The following TRAF3IP1 variants were observed in gnomAD, a reference collection of about 807,000 sequenced individuals.
The protein encoded by TRAF3IP1 is TRAF3-interacting protein 1.
TRAF3IP1 carries 53 observed loss-of-function variants against 89.9 expected under a neutral mutation model. The ratio of observed to expected loss-of-function variants is 0.59; its 90% CI spans 0.47 to 0.74. The LOEUF is 0.74. Among genes scored for constraint, TRAF3IP1 ranks in the 30% least tolerant of loss-of-function variants. TRAF3IP1 has a pLI of 0.00. For missense variants in TRAF3IP1, 806 were observed against 866.1 expected, an observed-to-expected ratio of 0.93 and a Z score of 0.87; for synonymous variants, 311 against 322.1, an observed-to-expected ratio of 0.97 and a Z score of 0.37.
At position 238,335,771 on chromosome 2, in the gene TRAF3IP1, TTTATTTATTTA is replaced by T. The variant is rs1162642793; in HGVS notation, c.1063+1739_1063+1749del. 7.8e-4 allele frequency among the ~76,000 whole-genome samples: 10 copies of T among 12,872 alleles called. 1 individual carries two copies. The highest frequency in any genetic ancestry group is 1.9e-3 in the Admixed American group (4 of 2,058). 8.4% of individuals were successfully genotyped at this position (12,872 alleles called of 152,430 possible). A position where few individuals can be genotyped will look rare whatever the true frequency, so the allele number is the denominator to read the frequency against. Reference sequence around the variant, plus strand: ...CGCTGGTTTATTTTATTTTATTTTATTTATTTATTTATTTATTTATTTATTTATTTATTTAT... The same window carrying T: ...CGCTGGTTTATTTTATTTTATTTTATTTTATTTATTTATTTATTTATTTAT... On this transcript the variant is annotated intron_variant, in intron 7 of 16. Coordinates refer to ENST00000373327, the MANE Select transcript of TRAF3IP1 (RefSeq NM_015650.4).
chr2:238,340,734 A>G lies in TRAF3IP1; in HGVS notation c.1159+2277A>G, dbSNP rs185455947. ...AAAAATATGGAAAAGTAGAAAGAAT[A>G]GTACAACTAGTGCCCATATACCTCT... On this transcript the variant is annotated intron_variant, in intron 8 of 16. Transcript: ENST00000373327. Among the ~76,000 whole-genome samples the G allele has an allele frequency of 4.5e-3, 680 of 152,294 alleles. 4 individuals are homozygous for G. Among genetic ancestry groups the G allele is most frequent in the African/African-American group, 0.015 (638 of 41,572 alleles).
At position 238,351,141 on chromosome 2, in the gene TRAF3IP1, CA is replaced by C. The variant is rs1056285983; in HGVS notation, c.1452-1685del. Among the ~76,000 whole-genome samples, 4 of 152,062 alleles carry C rather than the reference CA, an allele frequency of 2.6e-5. No homozygotes were observed. The highest frequency in any genetic ancestry group is 9.7e-5 in the African/African-American group (4 of 41,382). ...TGGAGCTTGCTGTTAGTGGTAGTGACAGGGGTGCCCCTGGGAGTGGGCGTCG... is the reference window on the plus strand; with the variant it reads ...TGGAGCTTGCTGTTAGTGGTAGTGACGGGGTGCCCCTGGGAGTGGGCGTCG... On this transcript the variant is annotated intron_variant, in intron 12 of 16. Transcript: ENST00000373327. This position sits in a 1 kb window ranked among gnomAD's most constrained non-coding sequence, Gnocchi z 5.2.
intron 1 of TRAF3IP1, among the ~76,000 whole-genome samples, chr2:238,324,316 C>T (rs1049123305): frequency 1.3e-5 from 2 of 152,154 alleles, no homozygotes; most frequent in Non-Finnish European, 2.9e-5. Flanking sequence ...GATCCACCCA[C>T]CTCGGCCTCC....
Position 238,332,902 on chromosome 2 carries a change from T to C in TRAF3IP1, c.987+7T>C, listed in dbSNP as rs1352892277. 1 of 1,602,196 alleles carries C rather than the reference T, an allele frequency of 6.2e-7. No individual in the cohort carries two copies. The highest frequency in any genetic ancestry group is 8.5e-7 in the Non-Finnish European group (1 of 1,171,160). The stretch of plus-strand genomic sequence containing the variant: ...CTCCAAGGCTGAAACAGAGGTAAAC[T>C]TTAAAAAATAACTTTTAAGAGATGT... On this transcript the variant is annotated splice_region_variant and intron_variant, in intron 6 of 16. Transcript: ENST00000373327.
intron 9 of TRAF3IP1, among the ~76,000 whole-genome samples, chr2:238,347,002 A>C (rs781554544): frequency 2.6e-5 from 4 of 151,884 alleles, no homozygotes; most frequent in Non-Finnish European, 4.4e-5. Flanking sequence ...GAGCTGATGG[A>C]AAAATGCTTA....
chr2:238,333,167 A>G (rs1266684690), intron 6 of TRAF3IP1, among the ~76,000 whole-genome samples: 1 of 152,066 alleles, frequency 6.6e-6, no homozygotes, highest in Non-Finnish European at 1.5e-5. Flanking sequence ...GTGGTGTGAT[A>G]GGGCTGTCAT....
At chr2:238,333,792 A>G (rs1412590685) in intron 6 of TRAF3IP1, among the ~76,000 whole-genome samples, 168 bp from the exon 7 acceptor site, 1 of 152,206 alleles carries the variant, frequency 6.6e-6, no homozygotes, top group African/African-American at 2.4e-5. Context: ...CGTGTAATTC[A>G]CAGTCTCAGG....
At chr2:238,361,039 A>T (rs1161284742) in intron 15 of TRAF3IP1, among the ~76,000 whole-genome samples, 1 of 150,440 alleles carries the variant, frequency 6.6e-6, no homozygotes, top group Non-Finnish European at 1.5e-5. Context: ...TTGCCTTTTT[A>T]TTTAAAAAAC....
chr2:238,342,082 A>C (rs55762325), intron 8 of TRAF3IP1, among the ~76,000 whole-genome samples: 1 of 151,798 alleles, frequency 6.6e-6, no homozygotes, highest in Non-Finnish European at 1.5e-5. Context: ...TCCACCTCCT[A>C]GGTTCAGGGG....
chr2:238,329,089 A>G lies in TRAF3IP1; in HGVS notation c.662A>G (p.Lys221Arg). The G allele has an allele frequency of 6.4e-7, 1 of 1,551,480 alleles. No homozygotes were observed. Reference sequence around the variant, plus strand: ...AGAGAAGGGGAGAGAGAGAGAGCCAAAGCCCGGGCCAGGCCAGACAACGAG... The same window carrying G: ...AGAGAAGGGGAGAGAGAGAGAGCCAGAGCCCGGGCCAGGCCAGACAACGAG... ...RHREGERERA[K>R]ARARPDNERQ... Residue 221 changes from lysine to arginine, a missense_variant, in exon 5 of 17, where the codon AAA (lysine) becomes AGA (arginine). This residue lies in a region of TRAF3IP1 where 732 missense variants were observed against 780.5 expected (regional missense o/e 0.94). Coordinates refer to ENST00000373327, the MANE Select transcript of TRAF3IP1 (RefSeq NM_015650.4).
At chr2:238,395,018 A>T (rs1308365018) in intron 15 of TRAF3IP1, among the ~76,000 whole-genome samples, 2 of 151,368 alleles carry the variant, frequency 1.3e-5, no homozygotes, top group Non-Finnish European at 2.9e-5. Flanking sequence ...GAGGCAAGGA[A>T]GGGCCCCTTA....
chr2:238,367,344 C>T (rs75700424), intron 15 of TRAF3IP1, among the ~76,000 whole-genome samples: 1,622 of 152,130 alleles, frequency 0.011, 10 homozygotes, highest in Admixed American at 0.021. Context: ...GAAGCCTCAG[C>T]GCCCTGCAAC....
At chr2:238,381,933 G>T (rs1306744888) in intron 15 of TRAF3IP1, among the ~76,000 whole-genome samples, 1 of 152,196 alleles carries the variant, frequency 6.6e-6, no homozygotes, top group African/African-American at 2.4e-5. Context: ...CCACAGATGG[G>T]GAAGAGGAGC....
At chr2:238,393,044 A>G (rs1224101448) in intron 15 of TRAF3IP1, among the ~76,000 whole-genome samples, 1 of 152,194 alleles carries the variant, frequency 6.6e-6, no homozygotes, top group Non-Finnish European at 1.5e-5. Context: ...ATGAATTTTC[A>G]TTTGTTTGGA....
intron 5 of TRAF3IP1, among the ~76,000 whole-genome samples, chr2:238,331,794 CCT>C (rs1334502802): frequency 6.6e-6 from 1 of 152,184 alleles, no homozygotes; most frequent in Non-Finnish European, 1.5e-5. Flanking sequence ...CCGAGGAACC[CCT>C]GTTCCCAGGG....
chr2:238,357,898 A>G (rs1212982345), intron 15 of TRAF3IP1, among the ~76,000 whole-genome samples: 2 of 152,164 alleles, frequency 1.3e-5, no homozygotes, highest in African/African-American at 2.4e-5. Context: ...CAGATTGGTA[A>G]ATCTTTGGGC....
intron 15 of TRAF3IP1, among the ~76,000 whole-genome samples, chr2:238,395,665 T>C (rs1287960660): frequency 5.9e-5 from 9 of 151,708 alleles, no homozygotes; most frequent in Non-Finnish European, 1.2e-4. Context: ...GAATCTACAA[T>C]GAACTCAAAC....
intron 11 of TRAF3IP1, 33 bp from the exon 12 acceptor site, chr2:238,349,292 C>T: frequency 6.2e-7 from 1 of 1,602,896 alleles, no homozygotes; most frequent in Non-Finnish European, 8.5e-7. Flanking sequence ...GCCTTTCATA[C>T]TCCTTTTTTG....
chr2:238,398,982 A>T lies in TRAF3IP1; in HGVS notation c.*63A>T. 1 of 1,419,260 alleles carries T rather than the reference A, an allele frequency of 7.0e-7. No individual in the cohort carries two copies. The highest frequency in any genetic ancestry group is 9.6e-7 in the Non-Finnish European group (1 of 1,045,248). 87.9% of individuals were successfully genotyped at this position (1,419,260 alleles called of 1,614,324 possible). A position where few individuals can be genotyped will look rare whatever the true frequency, so the allele number is the denominator to read the frequency against. The stretch of plus-strand genomic sequence containing the variant: ...TTAAAAGCAAAAAGGAAGATAGAAA[A>T]TCATTACTCTTTTAAGTTCCAGTTT... On this transcript the variant is annotated 3_prime_UTR_variant, in exon 17 of 17. Coordinates refer to ENST00000373327, the MANE Select transcript of TRAF3IP1 (RefSeq NM_015650.4).
Sources: allele counts gnomAD v4.1 joint callset (sites outside exome capture counted in the v4.1 genomes callset), GRCh38; gene constraint gnomAD v4.1.1; regional missense constraint gnomAD v4.1.1; non-coding constraint Gnocchi (gnomAD v3.1); transcripts MANE v1.5; gene names NCBI Gene and HGNC (gene_info 2026-07-23, HGNC 2026-07-21).